NUFIP2: variants seen among roughly 807,000 people sequenced by gnomAD.
NUFIP2 encodes nuclear FMR1 interacting protein 2.
In NUFIP2, 6 loss-of-function variants were observed where a neutral mutation model predicts 56.9. That is an observed-to-expected ratio of 0.11 (90% CI 0.06 to 0.21). The LOEUF (loss-of-function observed/expected upper bound fraction) is 0.21, where lower values mean the gene tolerates loss of function less well. Among genes scored for constraint, NUFIP2 ranks in the 10% least tolerant of loss-of-function variants. NUFIP2 has a pLI of 1.00. For missense variants in NUFIP2, 828 were observed against 826.8 expected, an observed-to-expected ratio of 1.00 and a Z score of -0.02; for synonymous variants, 321 against 298.2, an observed-to-expected ratio of 1.08 and a Z score of -0.79.
At position 29,287,200 on chromosome 17, in the gene NUFIP2, T is replaced by C. The variant is rs115630887; in HGVS notation, c.794A>G (p.Tyr265Cys). 1,666 of 1,614,210 alleles carry C rather than the reference T, an allele frequency of 1.0e-3. 15 individuals carry two copies. In the African/African-American group the frequency reaches 0.02, roughly 19 times the overall value. Reference sequence around the variant, plus strand: ...TACTCGATTTCCCTTTTGTTCACTATAGTCAGGCTTGAAAGTTTCAAGTCC... The same window carrying C: ...TACTCGATTTCCCTTTTGTTCACTACAGTCAGGCTTGAAAGTTTCAAGTCC... The part of the protein sequence containing the change: ...KQGLETFKPD[Y>C]SEQKGNRVDG... The change falls in exon 2 of 4, where the codon TAT becomes TGT. Residue 265 changes from tyrosine to cysteine, a missense_variant. This residue lies in a region of NUFIP2 where 415 missense variants were observed against 408.7 expected (regional missense o/e 1.02). Coordinates refer to ENST00000225388, the MANE Select transcript of NUFIP2 (RefSeq NM_020772.3).
Position 29,286,048 on chromosome 17 carries a change from C to CTTTCTA in NUFIP2, c.1940_1945dup (p.Glu648_Arg649insIleGlu), listed in dbSNP as rs779696409. The CTTTCTA allele has an allele frequency of 6.2e-7, 1 of 1,613,930 alleles. No individual in the cohort carries two copies. Among genetic ancestry groups the CTTTCTA allele is most frequent in the African/African-American group, 1.3e-5 (1 of 74,910 alleles). On this transcript the variant is annotated inframe_insertion, in exon 2 of 4. Coordinates refer to ENST00000225388, the MANE Select transcript of NUFIP2 (RefSeq NM_020772.3). Reference sequence around the variant, plus strand: ...GTCAAAAGAACCCCAGCTATCATTCCTTTCTAGGCCTCTCTGGTATCTCTG... The same window carrying CTTTCTA: ...GTCAAAAGAACCCCAGCTATCATTCCTTTCTATTTCTAGGCCTCTCTGGTATCTCTG...
intron 2 of NUFIP2, among the ~76,000 whole-genome samples, chr17:29,278,146 TA>T (rs1567678853): frequency 6.6e-6 from 1 of 152,210 alleles, no homozygotes; most frequent in African/African-American, 2.4e-5. Context: ...CAATCCAGGA[TA>T]AGAAGAATTA....
Position 29,260,011 on chromosome 17 carries a change from C to A in NUFIP2, c.*4528G>T, listed in dbSNP as rs2068993504. 6.6e-6 allele frequency: 1 copy of A among 152,142 alleles called. No individual in the cohort carries two copies. Among genetic ancestry groups the A allele is most frequent in the South Asian group, 2.1e-4 (1 of 4,826 alleles). The allele number at this position is 152,142 out of a possible 1,614,324, so 9.4% of individuals were successfully genotyped here. A position where few individuals can be genotyped will look rare whatever the true frequency, so the allele number is the denominator to read the frequency against. ...TTTAAGATACCAAAACAGAAGCCCA[C>A]CCTTTTCACCATGAAAGAATCTTGG... is the stretch of plus-strand genomic sequence containing the variant. On this transcript the variant is annotated 3_prime_UTR_variant, in exon 4 of 4. Coordinates refer to ENST00000225388, the MANE Select transcript of NUFIP2 (RefSeq NM_020772.3).
intron 1 of NUFIP2, 61 bp downstream of exon 1, chr17:29,293,722 C>T: frequency 2.3e-6 from 3 of 1,287,894 alleles, no homozygotes; most frequent in Non-Finnish European, 3.2e-6. Flanking sequence ...TCCAGCCCCA[C>T]CCCCATCTCT....
rs1475609268 is a variant in NUFIP2 at position 29,287,029 on chromosome 17, T to C, written c.965A>G (p.Lys322Arg). 1 of 1,614,210 alleles carries C rather than the reference T, an allele frequency of 6.2e-7. No homozygotes were observed. The highest frequency in any genetic ancestry group is 1.7e-5 in the Admixed American group (1 of 60,012). ...SKKFDDRPKG[K>R]HASAVASKED... ...TTTGGAGGCAACAGCTGAAGCATGC[T>C]TTCCTTTGGGCCGATCATCAAACTT... The change falls in exon 2 of 4, where the codon AAG becomes AGG. Residue 322 changes from lysine to arginine, a missense_variant. This residue lies in a region of NUFIP2 where 415 missense variants were observed against 408.7 expected (regional missense o/e 1.02). Transcript: ENST00000225388.
At chr17:29,272,397 A>G (rs1567677224) in intron 2 of NUFIP2, among the ~76,000 whole-genome samples, 1 of 151,726 alleles carries the variant, frequency 6.6e-6, no homozygotes, top group African/African-American at 2.4e-5. Flanking sequence ...CATGCCACCA[A>G]GCCCGGCTAA....
chr17:29,284,199 T>TA (rs1204538406), intron 2 of NUFIP2, among the ~76,000 whole-genome samples: 1 of 152,162 alleles, frequency 6.6e-6, no homozygotes, highest in Non-Finnish European at 1.5e-5. Context: ...CACTATGTAT[T>TA]AAGTGTGTAC....
intron 1 of NUFIP2, among the ~76,000 whole-genome samples, chr17:29,289,597 A>G (rs1013991335): frequency 6.6e-6 from 1 of 152,192 alleles, no homozygotes; most frequent in Non-Finnish European, 1.5e-5. Context: ...CACTTCCAAA[A>G]AAAAGAAAAA....
At chr17:29,275,910 C>T (rs2069104967) in intron 2 of NUFIP2, among the ~76,000 whole-genome samples, 1 of 151,778 alleles carries the variant, frequency 6.6e-6, no homozygotes, top group South Asian at 2.1e-4. Context: ...TGCCTGTAAT[C>T]CCAGCTACTC....
chr17:29,278,553 G>C (rs2069122083), intron 2 of NUFIP2, among the ~76,000 whole-genome samples: 1 of 150,968 alleles, frequency 6.6e-6, no homozygotes, highest in Non-Finnish European at 1.5e-5. Context: ...GGCCCCCCAT[G>C]TGCTTTATAA....
chr17:29,279,902 T>C (rs2069130277), intron 2 of NUFIP2, among the ~76,000 whole-genome samples: 1 of 152,132 alleles, frequency 6.6e-6, no homozygotes, highest in Non-Finnish European at 1.5e-5. Context: ...CACTGCAACT[T>C]CCACCTCCCA....
chr17:29,260,023 TGAAA>T lies in NUFIP2; in HGVS notation c.*4512_*4515del, dbSNP rs2068993565. 6.6e-6 allele frequency: 1 copy of T among 152,218 alleles called. No individual in the cohort carries two copies. The highest frequency in any genetic ancestry group is 1.5e-5 in the Non-Finnish European group (1 of 68,024). 9.4% of individuals were successfully genotyped at this position (152,218 alleles called of 1,614,324 possible). A position where few individuals can be genotyped will look rare whatever the true frequency, so the allele number is the denominator to read the frequency against. The stretch of plus-strand genomic sequence containing the variant: ...AAACAGAAGCCCACCCTTTTCACCA[TGAAA>T]GAATCTTGGTGCTCTGTTGATTAAT... On this transcript the variant is annotated 3_prime_UTR_variant, in exon 4 of 4. Transcript: ENST00000225388.
In NUFIP2 at chr17:29,294,087, G is replaced by T. The variant is rs761700259; in HGVS notation, c.-28C>A. ...AAAGCGGCTGGGACTCCCTGGCTGAGGCTGCGGGCTGCTGCACCGTCAGGA... is the reference window on the plus strand; with the variant it reads ...AAAGCGGCTGGGACTCCCTGGCTGATGCTGCGGGCTGCTGCACCGTCAGGA... On this transcript the variant is annotated 5_prime_UTR_variant, in exon 1 of 4. Transcript: ENST00000225388. The T allele has an allele frequency of 6.4e-7, 1 of 1,570,434 alleles. No homozygotes were observed. Among genetic ancestry groups the T allele is most frequent in the South Asian group, 1.2e-5 (1 of 83,938 alleles).
intron 2 of NUFIP2, among the ~76,000 whole-genome samples, chr17:29,276,585 G>A (rs1343833336): frequency 6.6e-6 from 1 of 152,102 alleles, no homozygotes; most frequent in Non-Finnish European, 1.5e-5. Context: ...TGATCTGCCA[G>A]CCTTGGCCTC....
chr17:29,260,650 A>C lies in NUFIP2; in HGVS notation c.*3889T>G, dbSNP rs1484416522. 3 of 152,214 alleles carry C rather than the reference A, an allele frequency of 2.0e-5. No individual in the cohort carries two copies. The highest frequency in any genetic ancestry group is 1.9e-4 in the East Asian group (1 of 5,200). The allele number at this position is 152,214 out of a possible 1,614,324, so 9.4% of individuals were successfully genotyped here. On this transcript the variant is annotated 3_prime_UTR_variant, in exon 4 of 4. Coordinates refer to ENST00000225388, the MANE Select transcript of NUFIP2 (RefSeq NM_020772.3). ...GATGTGGGGAAGCAACAAGCCTAAC[A>C]ACCAAGTATGATATTATCACTATGT...
intron 2 of NUFIP2, among the ~76,000 whole-genome samples, chr17:29,270,409 A>G (rs2069064895): frequency 6.6e-6 from 1 of 151,826 alleles, no homozygotes; most frequent in Non-Finnish European, 1.5e-5. Context: ...TTATTCCATT[A>G]GTTTCAAACA....
At chr17:29,291,035 CAAAAAAAA>C (rs60000691) in intron 1 of NUFIP2, among the ~76,000 whole-genome samples, 56 of 72,446 alleles carry the variant, frequency 7.7e-4, no homozygotes, top group Admixed American at 5.5e-3. Flanking sequence ...GTTTTAATAA[CAAAAAAAA>C]AAAAAAAAAA....
In NUFIP2 at chr17:29,286,195, T is replaced by C; in HGVS notation, c.1799A>G (p.Asp600Gly). ...ACTACTGGTGTCTGCTTTCTGCAGGTCACCTATATGACTGGGTTCCAAGGA... is the reference window on the plus strand; with the variant it reads ...ACTACTGGTGTCTGCTTTCTGCAGGCCACCTATATGACTGGGTTCCAAGGA... ...ALSLEPSHIG[D>G]LQKADTSSQG... The change falls in exon 2 of 4, where the codon GAC (aspartate) becomes GGC (glycine). Residue 600 changes from aspartate to glycine, a missense_variant. Physicochemically the swap from Asp to Gly is moderately conservative, Grantham distance 94. Around this residue, in one of 3 missense-constraint regions of NUFIP2, gnomAD observed 404 missense variants for 380.3 expected, o/e 1.06. Transcript: ENST00000225388. 1 of 1,613,838 alleles carries C rather than the reference T, an allele frequency of 6.2e-7. No homozygotes were observed. Among genetic ancestry groups the C allele is most frequent in the South Asian group, 1.1e-5 (1 of 91,070 alleles).
At chr17:29,279,388 A>G (rs1283795553) in intron 2 of NUFIP2, among the ~76,000 whole-genome samples, 1 of 152,218 alleles carries the variant, frequency 6.6e-6, no homozygotes, top group Non-Finnish European at 1.5e-5. Flanking sequence ...GGTTGAAAAT[A>G]CAAAGCAGAA....
Sources: allele counts gnomAD v4.1 joint callset (sites outside exome capture counted in the v4.1 genomes callset), GRCh38; gene constraint gnomAD v4.1.1; regional missense constraint gnomAD v4.1.1; transcripts MANE v1.5; gene names NCBI Gene and HGNC (gene_info 2026-07-23, HGNC 2026-07-21).